FGF14: variants seen among roughly 807,000 people sequenced by gnomAD.
FGF14 encodes the protein fibroblast growth factor homologous factor 4.
A neutral mutation model predicts 25.5 loss-of-function variants in FGF14; 5 were observed. The ratio of observed to expected loss-of-function variants is 0.20; its 90% CI spans 0.10 to 0.41. FGF14 has a LOEUF of 0.41. FGF14 is among the 10% of genes least tolerant of loss of function. The pLI is 1.00. For missense variants in FGF14, 222 were observed against 320.1 expected (o/e 0.69, Z 2.34); for synonymous variants, 138 against 118.3 (o/e 1.17, Z -1.08).
At chr13:102,360,645 A>G (rs2057538800) in intron 1 of FGF14, among the ~76,000 whole-genome samples, 1 of 152,196 alleles carries the variant, frequency 6.6e-6, no homozygotes. Context: ...CCTCCACAGT[A>G]AGTTGAGAAA....
chr13:102,225,199 C>G (rs1005141159), intron 1 of FGF14, among the ~76,000 whole-genome samples: 35 of 152,026 alleles, frequency 2.3e-4, no homozygotes, highest in African/African-American at 8.5e-4. Flanking sequence ...CTTTCAATCC[C>G]TCTCTCTCCC....
chr13:102,123,689 T>C (rs1011320780), intron 1 of FGF14, among the ~76,000 whole-genome samples: 21 of 152,158 alleles, frequency 1.4e-4, no homozygotes, highest in East Asian at 1.9e-4. Flanking sequence ...CTATTAGAGA[T>C]AGCGGATATC....
intron 1 of FGF14, among the ~76,000 whole-genome samples, chr13:102,013,942 G>A (rs16959594): frequency 6.6e-6 from 1 of 152,014 alleles, no homozygotes; most frequent in Non-Finnish European, 1.5e-5. Flanking sequence ...GCACAAAGGA[G>A]GTCAAATGCT....
intron 1 of FGF14, among the ~76,000 whole-genome samples, chr13:102,371,277 CCT>C (rs1434383322): frequency 6.6e-6 from 1 of 152,216 alleles, no homozygotes; most frequent in African/African-American, 2.4e-5. Flanking sequence ...TACATTCTAC[CCT>C]GTTTCCAGGA....
At chr13:101,968,339 G>A (rs1012628404) in intron 1 of FGF14, among the ~76,000 whole-genome samples, 3 of 152,098 alleles carry the variant, frequency 2.0e-5, no homozygotes, top group East Asian at 1.9e-4. Context: ...CCTGTTGGAT[G>A]TACAAAATCT....
At chr13:101,925,731 A>G (rs149289127) in intron 1 of FGF14, among the ~76,000 whole-genome samples, 1 of 152,286 alleles carries the variant, frequency 6.6e-6, no homozygotes, top group African/African-American at 2.4e-5. Context: ...TAAGTTTCAT[A>G]TTGCTTCTGT....
intron 1 of FGF14, among the ~76,000 whole-genome samples, chr13:102,101,086 G>A (rs1012082660): frequency 4.6e-5 from 7 of 151,242 alleles, no homozygotes; most frequent in African/African-American, 1.2e-4. Context: ...GTGACAGAGC[G>A]AGACTCCGTC....
At chr13:102,352,316 A>G (rs2057306688) in intron 1 of FGF14, among the ~76,000 whole-genome samples, 1 of 151,894 alleles carries the variant, frequency 6.6e-6, no homozygotes, top group Admixed American at 6.6e-5. Flanking sequence ...GAAAATTGAA[A>G]TACCTACAGA....
At chr13:102,360,156 CT>C (rs1195556953) in intron 1 of FGF14, among the ~76,000 whole-genome samples, 1 of 152,188 alleles carries the variant, frequency 6.6e-6, no homozygotes, top group Admixed American at 6.5e-5. Context: ...CTTAAAGCCA[CT>C]ATCTTGGCAT....
At chr13:101,868,667 G>A in intron 3 of FGF14, 58 bp downstream of exon 3, 1 of 1,064,148 alleles carries the variant, frequency 9.4e-7, no homozygotes, top group South Asian at 1.2e-5. Flanking sequence ...TGTTGTTGCT[G>A]CCATTGTTAT....
At chr13:101,861,026 C>T (rs1000044476) in intron 3 of FGF14, among the ~76,000 whole-genome samples, 1 of 152,028 alleles carries the variant, frequency 6.6e-6, no homozygotes, top group Non-Finnish European at 1.5e-5. Context: ...ACTTATGAAT[C>T]AAAATATGTG....
intron 1 of FGF14, among the ~76,000 whole-genome samples, chr13:101,995,892 T>A (rs1028247616): frequency 6.6e-6 from 1 of 152,050 alleles, no homozygotes; most frequent in Admixed American, 6.6e-5. Flanking sequence ...TTAGGAATAG[T>A]TAAAGCATAC....
intron 1 of FGF14, among the ~76,000 whole-genome samples, chr13:102,095,926 C>T (rs532232675): frequency 1.6e-4 from 24 of 151,502 alleles, no homozygotes; most frequent in Non-Finnish European, 3.2e-4. Context: ...TGGGTCAGCA[C>T]CCCAAACCTT....
At position 101,713,252 on chromosome 13, in the gene FGF14, CA is replaced by C. The variant is rs1463537338; in HGVS notation, c.*9578del. 1.3e-5 allele frequency: 2 copies of C among 152,172 alleles called. No homozygotes were observed. The highest frequency in any genetic ancestry group is 2.9e-5 in the Non-Finnish European group (2 of 68,014). The allele number at this position is 152,172 out of a possible 1,614,324, so 9.4% of individuals were successfully genotyped here. A position where few individuals can be genotyped will look rare whatever the true frequency, so the allele number is the denominator to read the frequency against. ...CCTTTCATGATATCTGTGATGACCACAACTCCTTTTTCCTGATCACTTTAAT... is the reference window on the plus strand; with the variant it reads ...CCTTTCATGATATCTGTGATGACCACACTCCTTTTTCCTGATCACTTTAAT... On this transcript the variant is annotated 3_prime_UTR_variant, in exon 5 of 5. Transcript: ENST00000376143.
intron 1 of FGF14, among the ~76,000 whole-genome samples, chr13:102,031,377 T>A (rs946176534): frequency 6.6e-6 from 1 of 152,122 alleles, no homozygotes; most frequent in Non-Finnish European, 1.5e-5. Flanking sequence ...TATGCACTTA[T>A]GATATTTGAA....
intron 1 of FGF14, among the ~76,000 whole-genome samples, chr13:101,878,621 T>C (rs1325507071): frequency 6.6e-6 from 1 of 152,186 alleles, no homozygotes; most frequent in Non-Finnish European, 1.5e-5. Context: ...TTCTTTTACA[T>C]GGATTTTGTG....
intron 1 of FGF14, among the ~76,000 whole-genome samples, chr13:102,269,780 G>A (rs939931904): frequency 6.6e-6 from 1 of 152,092 alleles, no homozygotes; most frequent in African/African-American, 2.4e-5. Context: ...TGAGGCAGGG[G>A]GATTGCTTGA....
intron 3 of FGF14, among the ~76,000 whole-genome samples, chr13:101,754,077 A>G (rs914330722): frequency 2.0e-5 from 3 of 152,162 alleles, no homozygotes; most frequent in Non-Finnish European, 4.4e-5. Context: ...TGCTAGCTAG[A>G]TTACTCTTAA....
At chr13:102,041,796 G>T (rs371616060) in intron 1 of FGF14, among the ~76,000 whole-genome samples, 6 of 152,064 alleles carry the variant, frequency 3.9e-5, no homozygotes, top group African/African-American at 1.4e-4. Context: ...CTTGGGAGTG[G>T]GGAGAGAGAA....
Sources: allele counts gnomAD v4.1 joint callset (sites outside exome capture counted in the v4.1 genomes callset), GRCh38; gene constraint gnomAD v4.1.1; transcripts MANE v1.5; gene names NCBI Gene and HGNC (gene_info 2026-07-23, HGNC 2026-07-21).